Variants in ARID3A observed in about 807,000 individuals in gnomAD.
The protein encoded by ARID3A is AT-rich interaction domain 3A, also known as AT-rich interactive domain-containing protein 3A.
A neutral mutation model predicts 52.7 loss-of-function variants in ARID3A; 11 were observed. The observed-to-expected ratio is 0.21, with a 90% CI of 0.13 to 0.35. The LOEUF (loss-of-function observed/expected upper bound fraction) is 0.35. Ranked by LOEUF, ARID3A falls within the 10% of genes least tolerant of loss-of-function variation. The pLI, the probability that ARID3A is intolerant of heterozygous loss-of-function variation, is 1.00. For synonymous variants in ARID3A, 404 were observed against 359.4 expected (o/e 1.12, Z -1.40); for missense variants, 721 against 838.5 (o/e 0.86, Z 1.73).
Position 939,242 on chromosome 19 carries a change from C to T in ARID3A, c.693+6500C>T, listed in dbSNP as rs549481465. Among the ~76,000 whole-genome samples the T allele has an allele frequency of 1.6e-4, 24 of 152,212 alleles. No homozygotes were observed. The East Asian group carries it at 3.9e-3, about 24-fold the overall frequency. ...CAAGCAATTCTCCTGCCTCAGCCTC[C>T]AGAGTAGCTGGGACTACAGGCGCCC... is the stretch of plus-strand genomic sequence containing the variant. On this transcript the variant is annotated intron_variant, in intron 3 of 8. Transcript: ENST00000263620.
chr19:926,232 C>T (rs1330272010), intron 1 of ARID3A, among the ~76,000 whole-genome samples, 173 bp downstream of exon 1: 3 of 150,670 alleles, frequency 2.0e-5, no homozygotes, highest in Non-Finnish European at 4.4e-5. Context: ...GTTCCCAGCG[C>T]GGGTTCCGGT....
At chr19:954,005 G>A (rs944924953) in intron 3 of ARID3A, among the ~76,000 whole-genome samples, 7 of 152,136 alleles carry the variant, frequency 4.6e-5, no homozygotes, top group African/African-American at 1.4e-4. Context: ...AGTGAGCTAG[G>A]GTCTCACCAC....
At chr19:934,189 T>C (rs2037393111) in intron 3 of ARID3A, among the ~76,000 whole-genome samples, 2 of 152,228 alleles carry the variant, frequency 1.3e-5, no homozygotes, top group South Asian at 2.1e-4. Context: ...CGCAGGGTTA[T>C]AGCCAAGCCG....
intron 2 of ARID3A, among the ~76,000 whole-genome samples, chr19:931,020 G>A (rs938107696): frequency 1.2e-4 from 19 of 152,046 alleles, no homozygotes; most frequent in Admixed American, 3.3e-4. Flanking sequence ...GATGCTGGGC[G>A]CAGTGGCTCA....
intron 3 of ARID3A, among the ~76,000 whole-genome samples, chr19:958,309 C>A (rs1461177808): frequency 1.3e-5 from 2 of 149,920 alleles, no homozygotes; most frequent in Admixed American, 6.7e-5. Flanking sequence ...CGCCTGTAGT[C>A]CCAGCTACTC....
chr19:951,836 C>T (rs1186975097), intron 3 of ARID3A, among the ~76,000 whole-genome samples: 1 of 152,098 alleles, frequency 6.6e-6, no homozygotes, highest in African/African-American at 2.4e-5. Context: ...AAAAACGTGC[C>T]TTTTAGAACA....
rs751100042 is a variant in ARID3A at position 964,959 on chromosome 19, T to G, written c.1077T>G (p.Phe359Leu). ...GCCAGAGCTTTGGTGGCTCCCTCTT[T>G]GCCTACTCGCCAGGCGGGGCACACG... ...GRRQSFGGSL[F>L]AYSPGGAHGM... is the part of the protein sequence containing the mutation. The change falls in exon 6 of 9, where the codon TTT becomes TTG. Residue 359 changes from phenylalanine (F) to leucine (L), a missense_variant. Phe to Leu is a conservative substitution (Grantham distance 22, BLOSUM62 0). Transcript: ENST00000263620. The surrounding 1 kb of genome is among the most constrained non-coding windows in gnomAD (Gnocchi z 5.7). 1 of 1,613,914 alleles carries G rather than the reference T, an allele frequency of 6.2e-7. No homozygotes were observed. The highest frequency in any genetic ancestry group is 1.1e-5 in the South Asian group (1 of 91,084).
intron 3 of ARID3A, among the ~76,000 whole-genome samples, chr19:956,244 C>A (rs942216639): frequency 6.6e-6 from 1 of 152,052 alleles, no homozygotes; most frequent in African/African-American, 2.4e-5. Flanking sequence ...CAAGCTCGTC[C>A]TGTCCCCCTC....
rs185212288 is a variant in ARID3A, at chr19:940,004, A to G, written c.693+7262A>G. On this transcript the variant is annotated intron_variant, in intron 3 of 8. Transcript: ENST00000263620. The stretch of plus-strand genomic sequence containing the variant: ...CCACGTCCATTTCAGACTGAGGCTT[A>G]GGGGCGCTGCTGGGCTTCCCCACAT... 3.9e-3 allele frequency among the ~76,000 whole-genome samples: 586 copies of G among 152,138 alleles called. 3 individuals are homozygous for G. The highest frequency in any genetic ancestry group is 0.013 in the African/African-American group (557 of 41,496).
At chr19:969,609 TTAGA>T (rs2038234616) in intron 8 of ARID3A, among the ~76,000 whole-genome samples, 1 of 151,162 alleles carries the variant, frequency 6.6e-6, no homozygotes, top group African/African-American at 2.4e-5. Context: ...TATATATAGA[TTAGA>T]TATAGATTTA....
chr19:936,543 G>A (rs1023447019), intron 3 of ARID3A, among the ~76,000 whole-genome samples: 12 of 151,704 alleles, frequency 7.9e-5, no homozygotes, highest in Non-Finnish European at 1.2e-4. Flanking sequence ...ACCCTGTCTC[G>A]AAAAAATAAG....
chr19:937,863 C>T (rs561033316), intron 3 of ARID3A, among the ~76,000 whole-genome samples: 2 of 151,994 alleles, frequency 1.3e-5, no homozygotes, highest in African/African-American at 4.8e-5. Flanking sequence ...CCTGCCACCA[C>T]GCCCAGCTAA....
chr19:935,931 C>T (rs2037430649), intron 3 of ARID3A, among the ~76,000 whole-genome samples: 2 of 152,236 alleles, frequency 1.3e-5, no homozygotes, highest in African/African-American at 4.8e-5. Context: ...GCTGGGACTA[C>T]AGGCATCCGC....
chr19:948,117 C>T (rs1036793833), intron 3 of ARID3A, among the ~76,000 whole-genome samples: 7 of 152,148 alleles, frequency 4.6e-5, no homozygotes, highest in African/African-American at 7.2e-5. Context: ...CCAGGTCGGT[C>T]GGGGCCGCCT....
At chr19:969,544 C>T (rs145391663) in intron 8 of ARID3A, among the ~76,000 whole-genome samples, 3 of 151,102 alleles carry the variant, frequency 2.0e-5, no homozygotes, top group South Asian at 2.1e-4. Context: ...CCTTCTCTCT[C>T]TCTATATATC....
chr19:965,304 A>C (rs79235467), intron 6 of ARID3A: 240 of 563,802 alleles, frequency 4.3e-4, no homozygotes, highest in African/African-American at 3.9e-3. Context: ...ATTGCTAATC[A>C]ATCTGTGTTT....
At chr19:948,193 C>T (rs1031145443) in intron 3 of ARID3A, among the ~76,000 whole-genome samples, 7 of 151,602 alleles carry the variant, frequency 4.6e-5, no homozygotes, top group African/African-American at 1.5e-4. Context: ...CTCCCTGAAC[C>T]GGGAAGTCCG....
At chr19:959,000 C>T (rs1452131175) in intron 3 of ARID3A, among the ~76,000 whole-genome samples, 1 of 152,232 alleles carries the variant, frequency 6.6e-6, no homozygotes, top group Non-Finnish European at 1.5e-5. Context: ...AGGACAGCCA[C>T]AGATTTGTAG....
Position 932,523 on chromosome 19 carries a change from G to T in ARID3A, c.474G>T (p.Gly158=). ...EDEEEEEDEE[G]LGPPGPASLG... ...AGGAGGAGGAGGAGGACGAGGAGGG[G>T]CTGGGCCCCCCAGGCCCTGCCAGCT... The change falls in exon 3 of 9, where the codon GGG becomes GGT. Residue 158 remains glycine (G), a synonymous_variant. Transcript: ENST00000263620. 6.5e-7 allele frequency: 1 copy of T among 1,532,586 alleles called. No individual in the cohort carries two copies. Among genetic ancestry groups the T allele is most frequent in the Admixed American group, 2.3e-5 (1 of 43,158 alleles). 94.9% of individuals were successfully genotyped at this position (1,532,586 alleles called of 1,614,324 possible).
Sources: allele counts gnomAD v4.1 joint callset (sites outside exome capture counted in the v4.1 genomes callset), GRCh38; gene constraint gnomAD v4.1.1; non-coding constraint Gnocchi (gnomAD v3.1); transcripts MANE v1.5; gene names NCBI Gene and HGNC (gene_info 2026-07-23, HGNC 2026-07-21).